SGMS1: variants seen among roughly 807,000 people sequenced by gnomAD.
SGMS1 encodes phosphatidylcholine:ceramide cholinephosphotransferase 1.
A neutral mutation model predicts 46.2 loss-of-function variants in SGMS1; 13 were observed. The observed-to-expected ratio is 0.28, with a 90% CI of 0.18 to 0.45. The LOEUF (loss-of-function observed/expected upper bound fraction) is 0.45. Among genes scored for constraint, SGMS1 ranks in the 20% least tolerant of loss-of-function variants. SGMS1 has a pLI of 1.00. For synonymous variants in SGMS1, 203 were observed against 187.8 expected, an observed-to-expected ratio of 1.08 and a Z score of -0.66; for missense variants, 324 against 519.9, an observed-to-expected ratio of 0.62 and a Z score of 3.66.
At chr10:50,392,970 TACAA>T (rs1297433586) in intron 6 of SGMS1, among the ~76,000 whole-genome samples, 1 of 151,676 alleles carries the variant, frequency 6.6e-6, no homozygotes, top group Non-Finnish European at 1.5e-5. Context: ...TAAAAAATAA[TACAA>T]ACATAAAGCA....
intron 3 of SGMS1, among the ~76,000 whole-genome samples, chr10:50,469,039 C>T (rs960276172): frequency 1.3e-5 from 2 of 152,108 alleles, no homozygotes; most frequent in African/African-American, 2.4e-5. Context: ...ACATTAGGCT[C>T]ATAACAGAGG....
chr10:50,536,068 T>C (rs902180061), intron 2 of SGMS1, among the ~76,000 whole-genome samples: 1 of 152,180 alleles, frequency 6.6e-6, no homozygotes, highest in African/African-American at 2.4e-5. Context: ...GGCACAGTGC[T>C]CATGCCTGTA....
intron 2 of SGMS1, among the ~76,000 whole-genome samples, chr10:50,533,767 TA>T (rs1428891412): frequency 6.6e-6 from 1 of 151,906 alleles, no homozygotes; most frequent in Admixed American, 6.6e-5. Flanking sequence ...AAAAAACAGA[TA>T]AAAATATATA....
At chr10:50,485,157 A>T (rs1444568821) in intron 3 of SGMS1, among the ~76,000 whole-genome samples, 1 of 152,218 alleles carries the variant, frequency 6.6e-6, no homozygotes, top group African/African-American at 2.4e-5. Flanking sequence ...CCATCGTCTC[A>T]GCCCAAAAGC....
At chr10:50,622,647 C>A (rs1838864661) in intron 1 of SGMS1, among the ~76,000 whole-genome samples, 1 of 152,258 alleles carries the variant, frequency 6.6e-6, no homozygotes, top group East Asian at 1.9e-4. Context: ...TAAGCGTGTA[C>A]CGCTGAAGTC....
Position 50,356,905 on chromosome 10 carries a change from C to T in SGMS1, c.-231-12560G>A, listed in dbSNP as rs192533811. Among the ~76,000 whole-genome samples the T allele has an allele frequency of 1.3e-4, 20 of 151,250 alleles. No individual in the cohort carries two copies. In the East Asian group the frequency reaches 1.6e-3, roughly 12 times the overall value. ...ACACAGGAAGGGGAACACCACACAC[C>T]GGGGCCTATTGTGGGGTGGGGGGAG... On this transcript the variant is annotated intron_variant, in intron 6 of 10. Coordinates refer to ENST00000361781, the MANE Select transcript of SGMS1 (RefSeq NM_147156.4).
chr10:50,580,337 T>C (rs1014546160), intron 2 of SGMS1, among the ~76,000 whole-genome samples: 3 of 152,118 alleles, frequency 2.0e-5, no homozygotes, highest in African/African-American at 7.2e-5. Context: ...TTACAATCTA[T>C]ACCTAATATT....
At chr10:50,429,115 T>C (rs1432999537) in intron 6 of SGMS1, among the ~76,000 whole-genome samples, 2 of 152,192 alleles carry the variant, frequency 1.3e-5, no homozygotes, top group Non-Finnish European at 2.9e-5. Context: ...CATCATGAAG[T>C]CAAGAAATCA....
chr10:50,576,143 G>A (rs939378242), intron 2 of SGMS1, among the ~76,000 whole-genome samples: 9 of 151,990 alleles, frequency 5.9e-5, no homozygotes, highest in Admixed American at 1.3e-4. Context: ...TGTATTACTC[G>A]GCCCCAGCTT....
At chr10:50,544,869 C>T (rs979254680) in intron 2 of SGMS1, among the ~76,000 whole-genome samples, 2 of 152,132 alleles carry the variant, frequency 1.3e-5, no homozygotes, top group Admixed American at 6.6e-5. Context: ...CAAGAAGAAA[C>T]GTGTGCCGCG....
chr10:50,431,925 C>T (rs757719902), intron 6 of SGMS1, among the ~76,000 whole-genome samples: 1 of 152,178 alleles, frequency 6.6e-6, no homozygotes, highest in East Asian at 1.9e-4. Flanking sequence ...AGTTATGAAG[C>T]TGAGTCAACA....
chr10:50,401,996 G>A (rs189803164), intron 6 of SGMS1, among the ~76,000 whole-genome samples: 1 of 152,180 alleles, frequency 6.6e-6, no homozygotes. Flanking sequence ...TTGTACCCAA[G>A]AAATTATTTG....
At position 50,410,767 on chromosome 10, in the gene SGMS1, C is replaced by A. The variant is rs77759493; in HGVS notation, c.-232+22709G>T. Among the ~76,000 whole-genome samples the A allele has an allele frequency of 6.6e-3, 998 of 152,284 alleles. 8 individuals are homozygous for A. Among genetic ancestry groups the A allele is most frequent in the Admixed American group, 0.013 (205 of 15,302 alleles). On this transcript the variant is annotated intron_variant, in intron 6 of 10. Coordinates refer to ENST00000361781, the MANE Select transcript of SGMS1 (RefSeq NM_147156.4). ...CCATAGGGGAAGACCCATATGGAGACCTGGTAATGCCGCCCTAGGGGTAAG... is the reference window on the plus strand; with the variant it reads ...CCATAGGGGAAGACCCATATGGAGAACTGGTAATGCCGCCCTAGGGGTAAG...
intron 3 of SGMS1, among the ~76,000 whole-genome samples, chr10:50,472,024 C>T (rs1837383086): frequency 6.6e-6 from 1 of 152,154 alleles, no homozygotes; most frequent in East Asian, 1.9e-4. Flanking sequence ...AATCATTCTT[C>T]TCAGTTATTG....
intron 2 of SGMS1, among the ~76,000 whole-genome samples, chr10:50,556,885 A>G (rs905272174): frequency 2.0e-5 from 3 of 152,228 alleles, no homozygotes; most frequent in Admixed American, 6.5e-5. Flanking sequence ...GTTAAGGCCA[A>G]CATTTCCGAG....
intron 2 of SGMS1, among the ~76,000 whole-genome samples, chr10:50,532,351 C>T (rs1482091368): frequency 6.6e-6 from 1 of 151,516 alleles, no homozygotes; most frequent in Non-Finnish European, 1.5e-5. Context: ...CTCTCTCATC[C>T]AAGACCCTGA....
intron 3 of SGMS1, among the ~76,000 whole-genome samples, chr10:50,512,554 G>A (rs2133775405): frequency 6.6e-6 from 1 of 152,254 alleles, no homozygotes; most frequent in Middle Eastern, 3.4e-3. Context: ...GCAATGACCT[G>A]GGTTTGCCAG....
chr10:50,528,336 T>C (rs1201177153), intron 2 of SGMS1, among the ~76,000 whole-genome samples: 1 of 152,182 alleles, frequency 6.6e-6, no homozygotes, highest in Admixed American at 6.5e-5. Flanking sequence ...ACAACACAGA[T>C]TTTACTCAAT....
At chr10:50,609,970 C>T (rs1337461631) in intron 1 of SGMS1, among the ~76,000 whole-genome samples, 3 of 152,182 alleles carry the variant, frequency 2.0e-5, no homozygotes, top group African/African-American at 7.2e-5. Flanking sequence ...CCATCAGACA[C>T]AGAAATCTGA....
Sources: gnomAD v4.1 joint callset for allele counts (sites outside exome capture counted in the v4.1 genomes callset) on GRCh38, gnomAD v4.1.1 for gene constraint, MANE v1.5 for transcripts, NCBI Gene and HGNC (gene_info 2026-07-23, HGNC 2026-07-21) for gene names.